Variants in PRLR observed in about 807,000 individuals in gnomAD.
PRLR encodes the protein prolactin receptor.
A neutral mutation model predicts 40.2 loss-of-function variants in PRLR; 13 were observed. That is an observed-to-expected ratio of 0.32 (90% confidence interval 0.21 to 0.51). The LOEUF (loss-of-function observed/expected upper bound fraction) is 0.51. Ranked by LOEUF, PRLR falls within the 20% of genes least tolerant of loss-of-function variation. PRLR has a pLI of 0.97. For synonymous variants in PRLR, 269 were observed against 278.7 expected (o/e 0.97, Z 0.35); for missense variants, 656 against 747.3 (o/e 0.88, Z 1.42).
chr5:35,050,712 C>T (rs1768465126), downstream of PRLR, among the ~76,000 whole-genome samples: 1 of 152,190 alleles, frequency 6.6e-6, no homozygotes, highest in Non-Finnish European at 1.5e-5. Context: ...TGCTCTGCCC[C>T]AGGCCTCTGT....
At chr5:35,086,557 G>T (rs1377937631) in intron 3 of PRLR, among the ~76,000 whole-genome samples, 1 of 149,852 alleles carries the variant, frequency 6.7e-6, no homozygotes, top group Non-Finnish European at 1.5e-5. Flanking sequence ...AGAGCATTTT[G>T]CTGGTGTGTG....
chr5:35,073,040 G>A (rs1056725826), intron 5 of PRLR, among the ~76,000 whole-genome samples: 2 of 152,146 alleles, frequency 1.3e-5, no homozygotes, highest in African/African-American at 4.8e-5. Context: ...TTTTCATGAT[G>A]ACAGAGACCA....
chr5:35,106,493 A>T (rs1305616224), intron 2 of PRLR, among the ~76,000 whole-genome samples: 2 of 152,202 alleles, frequency 1.3e-5, no homozygotes, highest in Non-Finnish European at 2.9e-5. Flanking sequence ...CTTCTCATGC[A>T]GAGACACACA....
chr5:35,194,248 C>G (rs1162782223), intron 1 of PRLR, among the ~76,000 whole-genome samples: 1 of 152,180 alleles, frequency 6.6e-6, no homozygotes, highest in African/African-American at 2.4e-5. Context: ...GCTGGGCTCT[C>G]AGGATGAAGC....
At chr5:35,154,818 C>A (rs146704711) in intron 1 of PRLR, among the ~76,000 whole-genome samples, 1 of 152,048 alleles carries the variant, frequency 6.6e-6, no homozygotes, top group Non-Finnish European at 1.5e-5. Flanking sequence ...CATAAAAAAA[C>A]GAGATCATGT....
intron 2 of PRLR, among the ~76,000 whole-genome samples, chr5:35,101,551 G>C (rs1339445398): frequency 6.6e-6 from 1 of 152,210 alleles, no homozygotes; most frequent in East Asian, 1.9e-4. Context: ...CCTCCATTGT[G>C]AAATCTTCAA....
At chr5:35,154,997 T>C (rs995084140) in intron 1 of PRLR, among the ~76,000 whole-genome samples, 1 of 138,078 alleles carries the variant, frequency 7.2e-6, no homozygotes, top group Non-Finnish European at 1.6e-5. Context: ...GGGGAGGGGG[T>C]TCAGGGGAGG....
chr5:35,095,245 T>G (rs1419888536), intron 2 of PRLR, among the ~76,000 whole-genome samples: 1 of 152,186 alleles, frequency 6.6e-6, no homozygotes, highest in Admixed American at 6.5e-5. Flanking sequence ...CATACCAGGC[T>G]AAAGATTAAG....
chr5:35,186,003 A>G (rs1775417318), intron 1 of PRLR, among the ~76,000 whole-genome samples: 1 of 152,086 alleles, frequency 6.6e-6, no homozygotes, highest in Non-Finnish European at 1.5e-5. Context: ...GGGCTCATCT[A>G]TCTAGGAGAC....
intron 1 of PRLR, among the ~76,000 whole-genome samples, chr5:35,161,389 A>G (rs1223626754): frequency 6.6e-6 from 1 of 152,218 alleles, no homozygotes; most frequent in Non-Finnish European, 1.5e-5. Context: ...GATGGTTGGG[A>G]GCACATTCAT....
intron 5 of PRLR, among the ~76,000 whole-genome samples, chr5:35,074,749 G>A (rs1340248849): frequency 6.6e-6 from 1 of 151,950 alleles, no homozygotes; most frequent in Non-Finnish European, 1.5e-5. Context: ...TATGTGTTTT[G>A]TGTTTTTGCC....
chr5:35,109,079 T>G (rs543760791), intron 2 of PRLR, among the ~76,000 whole-genome samples: 25 of 152,310 alleles, frequency 1.6e-4, no homozygotes, highest in African/African-American at 6.0e-4. Flanking sequence ...TATAACCATC[T>G]GATCTTTGAC....
At chr5:35,149,711 T>C (rs1774286053) in intron 1 of PRLR, among the ~76,000 whole-genome samples, 1 of 152,212 alleles carries the variant, frequency 6.6e-6, no homozygotes, top group South Asian at 2.1e-4. Context: ...TTTCCTACTA[T>C]TTGCCTTCAA....
intron 1 of PRLR, among the ~76,000 whole-genome samples, chr5:35,180,106 C>CA (rs1333353682): frequency 6.6e-6 from 1 of 152,178 alleles, no homozygotes; most frequent in Non-Finnish European, 1.5e-5. Context: ...CTAGATCCCT[C>CA]ACATGTGCAG....
At chr5:35,223,244 T>C (rs928087670) in intron 1 of PRLR, among the ~76,000 whole-genome samples, 1 of 152,266 alleles carries the variant, frequency 6.6e-6, no homozygotes, top group Non-Finnish European at 1.5e-5. Flanking sequence ...CCCATGATTA[T>C]GATATAAAAA....
rs997578534 is a variant in PRLR, at chr5:35,094,638, C to A, written c.-43-4975G>T. Among the ~76,000 whole-genome samples the A allele has an allele frequency of 1.1e-4, 16 of 152,128 alleles. 1 individual carries two copies. The highest frequency in any genetic ancestry group is 2.4e-4 in the African/African-American group (10 of 41,416). ...AAAAGGCAAAAAGTCTCATTTCTTG[C>A]AAACAAATTTTGAATACATTCATCC... On this transcript the variant is annotated intron_variant, in intron 2 of 9. Coordinates refer to ENST00000618457, the MANE Select transcript of PRLR (RefSeq NM_000949.7).
chr5:35,157,021 G>A (rs1213007267), intron 1 of PRLR, among the ~76,000 whole-genome samples: 3 of 151,964 alleles, frequency 2.0e-5, no homozygotes, highest in Admixed American at 1.3e-4. Flanking sequence ...TCCAGAGCTT[G>A]AAACAGTCCA....
intron 1 of PRLR, among the ~76,000 whole-genome samples, chr5:35,157,357 T>C (rs909941054): frequency 1.3e-5 from 2 of 151,930 alleles, no homozygotes; most frequent in African/African-American, 2.4e-5. Context: ...TTGTGGGGAG[T>C]GGACATCAGG....
intron 5 of PRLR, among the ~76,000 whole-genome samples, chr5:35,075,074 T>C (rs1414008114): frequency 1.3e-5 from 2 of 152,162 alleles, no homozygotes; most frequent in African/African-American, 4.8e-5. Context: ...CGTGGTCTGG[T>C]TCCAAGATGG....
Sources: allele counts gnomAD v4.1 joint callset (sites outside exome capture counted in the v4.1 genomes callset), GRCh38; gene constraint gnomAD v4.1.1; transcripts MANE v1.5; gene names NCBI Gene and HGNC (gene_info 2026-07-23, HGNC 2026-07-21).